RAB27B: variants seen among roughly 807,000 people sequenced by gnomAD.
RAB27B encodes the protein ras-related protein Rab-27B.
Under a neutral mutation model 24.6 loss-of-function variants are expected in RAB27B, and 15 were observed. The observed-to-expected ratio is 0.61, with a 90% confidence interval of 0.41 to 0.94. RAB27B has a LOEUF of 0.94. Among genes scored for constraint, RAB27B ranks in the 40% least tolerant of loss-of-function variants. RAB27B has a pLI of 0.00. For synonymous variants in RAB27B, 105 were observed against 92.5 expected, an observed-to-expected ratio of 1.14 and a Z score of -0.78; for missense variants, 261 against 266.8, an observed-to-expected ratio of 0.98 and a Z score of 0.15.
At chr18:54,785,480 G>C (rs942572147) in intron 2 of RAB27B, among the ~76,000 whole-genome samples, 1 of 137,312 alleles carries the variant, frequency 7.3e-6, no homozygotes, top group Non-Finnish European at 1.5e-5. Context: ...CTTTATCAGC[G>C]AGGCTTTGCC....
chr18:54,876,185 T>A (rs758921474), intron 1 of RAB27B, among the ~76,000 whole-genome samples: 2 of 152,088 alleles, frequency 1.3e-5, no homozygotes, highest in Non-Finnish European at 2.9e-5. Flanking sequence ...TCAGATCTCA[T>A]GAGAACTCAC....
chr18:54,758,239 C>T (rs1908069239), intron 2 of RAB27B, among the ~76,000 whole-genome samples: 1 of 152,116 alleles, frequency 6.6e-6, no homozygotes, highest in South Asian at 2.1e-4. Context: ...ACTGCCTTCA[C>T]TGTAATTTAA....
chr18:54,862,750 A>G (rs1216268904), intron 1 of RAB27B, among the ~76,000 whole-genome samples: 1 of 152,180 alleles, frequency 6.6e-6, no homozygotes, highest in Non-Finnish European at 1.5e-5. Flanking sequence ...TCCAGTTCTG[A>G]TCCAGGATTG....
chr18:54,850,359 T>TATATATATACACAC (rs1491518141), intron 1 of RAB27B, among the ~76,000 whole-genome samples: 1 of 126,846 alleles, frequency 7.9e-6, no homozygotes, highest in African/African-American at 3.1e-5. Context: ...TATATATATA[T>TATATATATACACAC]ACATACATAC....
intron 2 of RAB27B, among the ~76,000 whole-genome samples, chr18:54,743,849 C>T (rs1408092752): frequency 5.3e-5 from 8 of 152,084 alleles, no homozygotes; most frequent in South Asian, 2.1e-4. Flanking sequence ...TGCTCTGTCA[C>T]GTGTTAATGG....
chr18:54,755,311 A>G (rs1363988128), intron 2 of RAB27B, among the ~76,000 whole-genome samples: 1 of 152,140 alleles, frequency 6.6e-6, no homozygotes, highest in Non-Finnish European at 1.5e-5. Flanking sequence ...AATCACTTGG[A>G]CCTGGGAGGC....
chr18:54,738,724 A>G (rs1180373297), intron 2 of RAB27B, among the ~76,000 whole-genome samples: 1 of 152,128 alleles, frequency 6.6e-6, no homozygotes, highest in Non-Finnish European at 1.5e-5. Flanking sequence ...GAACATAACC[A>G]CATTCATCTG....
intron 1 of RAB27B, among the ~76,000 whole-genome samples, chr18:54,870,260 A>G (rs1017611792): frequency 1.3e-5 from 2 of 152,176 alleles, no homozygotes; most frequent in Non-Finnish European, 2.9e-5. Flanking sequence ...AACAAGTAAA[A>G]TTTATTTCAG....
chr18:54,876,137 G>C (rs1912689491), intron 1 of RAB27B, among the ~76,000 whole-genome samples: 1 of 152,140 alleles, frequency 6.6e-6, no homozygotes, highest in Non-Finnish European at 1.5e-5. Context: ...GCCGGAGAGA[G>C]AGAGATAGCA....
At chr18:54,773,550 A>G (rs1908619342) in intron 2 of RAB27B, among the ~76,000 whole-genome samples, 1 of 152,340 alleles carries the variant, frequency 6.6e-6, no homozygotes, top group Admixed American at 6.5e-5. Flanking sequence ...TCTTCCAAGC[A>G]CATAACTCTG....
intron 2 of RAB27B, among the ~76,000 whole-genome samples, chr18:54,878,834 C>T (rs1016835147): frequency 6.6e-6 from 1 of 152,096 alleles, no homozygotes; most frequent in African/African-American, 2.4e-5. Flanking sequence ...TGTCCTGTGT[C>T]AACTTATTGA....
At chr18:54,879,172 T>C (rs986910121) in intron 2 of RAB27B, among the ~76,000 whole-genome samples, 197 bp from the exon 3 acceptor site, 2 of 152,192 alleles carry the variant, frequency 1.3e-5, no homozygotes, top group Non-Finnish European at 2.9e-5. Flanking sequence ...TAAACTGTGT[T>C]GAAAATCATA....
At chr18:54,769,567 C>T (rs1908479273) in intron 2 of RAB27B, among the ~76,000 whole-genome samples, 1 of 151,960 alleles carries the variant, frequency 6.6e-6, no homozygotes, top group Admixed American at 6.6e-5. Flanking sequence ...GCATATTTTC[C>T]CATACAAAAG....
chr18:54,797,122 T>C (rs965671983), intron 2 of RAB27B, among the ~76,000 whole-genome samples: 2 of 152,194 alleles, frequency 1.3e-5, no homozygotes, highest in Admixed American at 1.3e-4. Flanking sequence ...AAATAAATGA[T>C]ATATGCAGAA....
chr18:54,751,544 G>A (rs899137784), intron 2 of RAB27B, among the ~76,000 whole-genome samples: 2 of 152,056 alleles, frequency 1.3e-5, no homozygotes, highest in African/African-American at 4.8e-5. Flanking sequence ...AGGGATCGTT[G>A]AAAAACTCTT....
chr18:54,770,772 A>G (rs886648514), intron 2 of RAB27B, among the ~76,000 whole-genome samples: 1 of 152,042 alleles, frequency 6.6e-6, no homozygotes, highest in African/African-American at 2.4e-5. Flanking sequence ...GTTTAATAGC[A>G]GACGTATAGT....
chr18:54,735,212 A>T (rs79226302), intron 2 of RAB27B, among the ~76,000 whole-genome samples: 6,251 of 152,296 alleles, frequency 0.041, 423 homozygotes, highest in African/African-American at 0.14. Flanking sequence ...ATAACAAAAA[A>T]TGAGACAAAC....
chr18:54,832,066 G>A lies in RAB27B; in HGVS notation c.-20+3366G>A, dbSNP rs574752599. Reference sequence around the variant, plus strand: ...TGGGATTACAGATGTGAGCCACCGCGCCTGGCCAGGTGATGTTTTTAAAAG... The same window carrying A: ...TGGGATTACAGATGTGAGCCACCGCACCTGGCCAGGTGATGTTTTTAAAAG... On this transcript the variant is annotated intron_variant, in intron 1 of 5. Transcript: ENST00000262094. 9.2e-5 allele frequency among the ~76,000 whole-genome samples: 14 copies of A among 152,218 alleles called. No homozygotes were observed. In the South Asian group the frequency reaches 1.2e-3, roughly 14 times the overall value.
At chr18:54,731,012 T>A (rs1490233431) in intron 2 of RAB27B, among the ~76,000 whole-genome samples, 1 of 152,208 alleles carries the variant, frequency 6.6e-6, no homozygotes, top group Non-Finnish European at 1.5e-5. Context: ...ATTTTTTCAT[T>A]TGAAATTATT....
Sources: gnomAD v4.1 joint callset for allele counts (sites outside exome capture counted in the v4.1 genomes callset) on GRCh38, gnomAD v4.1.1 for gene constraint, MANE v1.5 for transcripts, NCBI Gene and HGNC (gene_info 2026-07-23, HGNC 2026-07-21) for gene names.